CCDC172: variants seen among roughly 807,000 people sequenced by gnomAD.
CCDC172 encodes the protein coiled-coil domain containing 172.
Under a neutral mutation model 38.0 loss-of-function variants are expected in CCDC172, and 30 were observed. The observed-to-expected ratio is 0.79, with a 90% confidence interval of 0.59 to 1.07. CCDC172 has a LOEUF of 1.07. CCDC172 is among the 50% of genes least tolerant of loss of function. The probability of loss-of-function intolerance (pLI) is 0.00; values close to 1 mark genes in which losing one functional copy is unlikely to be tolerated. For synonymous variants in CCDC172, 78 were observed against 88.3 expected (o/e 0.88, Z 0.66); for missense variants, 297 against 290.1 (o/e 1.02, Z -0.17).
At chr10:116,377,234 AT>A (rs1845257340) in intron 7 of CCDC172, among the ~76,000 whole-genome samples, 1 of 152,188 alleles carries the variant, frequency 6.6e-6, no homozygotes, top group Non-Finnish European at 1.5e-5. Context: ...TCATTTCAAA[AT>A]TAATTTCTTA....
intron 3 of CCDC172, among the ~76,000 whole-genome samples, chr10:116,332,691 C>A (rs1344666554): frequency 5.3e-5 from 8 of 151,530 alleles, no homozygotes; most frequent in African/African-American, 1.9e-4. Context: ...TCCCTGATTG[C>A]TTTTATGATT....
chr10:116,375,717 A>AC (rs1845236603), intron 7 of CCDC172, among the ~76,000 whole-genome samples: 1 of 152,208 alleles, frequency 6.6e-6, no homozygotes, highest in East Asian at 1.9e-4. Flanking sequence ...AAGTGGGCCA[A>AC]GGATATGAAC....
intron 7 of CCDC172, among the ~76,000 whole-genome samples, chr10:116,360,379 T>C (rs17094605): frequency 0.1 from 15,168 of 152,158 alleles, 1,347 homozygotes; most frequent in East Asian, 0.33. Flanking sequence ...GGGCACATAG[T>C]GTTCAATAAA....
intron 3 of CCDC172, among the ~76,000 whole-genome samples, chr10:116,327,789 G>A (rs879778495): frequency 2.0e-5 from 3 of 152,038 alleles, no homozygotes; most frequent in Non-Finnish European, 4.4e-5. Context: ...ATGTATATGT[G>A]CATAAAGATT....
chr10:116,332,763 G>A (rs892321341), intron 3 of CCDC172, among the ~76,000 whole-genome samples: 2 of 151,668 alleles, frequency 1.3e-5, no homozygotes, highest in Admixed American at 6.6e-5. Flanking sequence ...GAACAAGGGT[G>A]AGCCTTCCAT....
chr10:116,375,028 T>G (rs572843997), intron 7 of CCDC172, among the ~76,000 whole-genome samples: 1 of 152,302 alleles, frequency 6.6e-6, no homozygotes, highest in African/African-American at 2.4e-5. Context: ...TGGTATTTCC[T>G]TATGCTTTTC....
chr10:116,376,567 T>C (rs995656069), intron 7 of CCDC172, among the ~76,000 whole-genome samples: 2 of 152,214 alleles, frequency 1.3e-5, no homozygotes, highest in Non-Finnish European at 2.9e-5. Flanking sequence ...TTTTAAAAAA[T>C]TCCTCAAAGT....
intron 3 of CCDC172, among the ~76,000 whole-genome samples, chr10:116,335,978 C>G (rs960464118): frequency 3.9e-5 from 6 of 152,038 alleles, no homozygotes; most frequent in African/African-American, 1.2e-4. Context: ...ACCAGCCTGG[C>G]CAACATGGCG....
chr10:116,339,771 A>T (rs1474435717), intron 3 of CCDC172, among the ~76,000 whole-genome samples: 1 of 151,904 alleles, frequency 6.6e-6, no homozygotes, highest in African/African-American at 2.4e-5. Flanking sequence ...ACTGTCTCTT[A>T]AGCCAACCCT....
intron 5 of CCDC172, among the ~76,000 whole-genome samples, chr10:116,356,501 A>C (rs1272753876): frequency 6.6e-6 from 1 of 152,148 alleles, no homozygotes; most frequent in Non-Finnish European, 1.5e-5. Flanking sequence ...ATAACTTAAA[A>C]AATGGAAACA....
At chr10:116,337,433 AGCCACTGT>A (rs1844745184) in intron 3 of CCDC172, among the ~76,000 whole-genome samples, 2 of 152,100 alleles carry the variant, frequency 1.3e-5, no homozygotes, top group African/African-American at 4.8e-5. Flanking sequence ...TACAGGTGTG[AGCCACTGT>A]GCCTGGCCTA....
chr10:116,332,849 CTT>C (rs1844681806), intron 3 of CCDC172, among the ~76,000 whole-genome samples: 1 of 151,814 alleles, frequency 6.6e-6, no homozygotes, highest in Admixed American at 6.6e-5. Context: ...GCTTTATTCT[CTT>C]TTCTCTGAAT....
rs368898745 is a variant in CCDC172 at position 116,354,448 on chromosome 10, G to T, written c.449-2932G>T. On this transcript the variant is annotated intron_variant, in intron 5 of 8. Coordinates refer to ENST00000333254, the MANE Select transcript of CCDC172 (RefSeq NM_198515.3). ...ATAGAAGATGACAGCTCCAGGCCAGGCATGGTGGCTCACGACTGTAATCCC... is the reference window on the plus strand; with the variant it reads ...ATAGAAGATGACAGCTCCAGGCCAGTCATGGTGGCTCACGACTGTAATCCC... Among the ~76,000 whole-genome samples the T allele has an allele frequency of 1.3e-4, 20 of 152,106 alleles. 1 individual carries two copies. In the East Asian group the frequency reaches 3.1e-3, roughly 24 times the overall value.
chr10:116,329,996 G>A (rs1844639998), intron 3 of CCDC172, among the ~76,000 whole-genome samples: 1 of 152,164 alleles, frequency 6.6e-6, no homozygotes, highest in Admixed American at 6.5e-5. Context: ...TCAAGAGAGA[G>A]CATGTGTGCA....
chr10:116,355,179 A>C (rs542396429), intron 5 of CCDC172, among the ~76,000 whole-genome samples: 2 of 152,212 alleles, frequency 1.3e-5, no homozygotes, highest in African/African-American at 4.8e-5. Flanking sequence ...CACTCAAAGC[A>C]ACTTCCAGTA....
chr10:116,354,298 T>C (rs988234886), intron 5 of CCDC172, among the ~76,000 whole-genome samples: 1 of 152,238 alleles, frequency 6.6e-6, no homozygotes, highest in African/African-American at 2.4e-5. Context: ...ATTATTATAC[T>C]TTTTATAATT....
rs924445025 is a variant in CCDC172 at position 116,324,582 on chromosome 10, T to C, written c.-97T>C. ...GGGATTGAAAGGCTGACTACAGAAA[T>C]GGCTGCTGCCCAGACGCCCTCAAAA... On this transcript the variant is annotated 5_prime_UTR_variant, in exon 1 of 9. The change abolishes an upstream ATG in the 5' untranslated region. Transcript: ENST00000333254. 8 of 160,536 alleles carry C rather than the reference T, an allele frequency of 5.0e-5. No homozygotes were observed. The highest frequency in any genetic ancestry group is 1.1e-4 in the Non-Finnish European group (8 of 73,480). 9.9% of individuals were successfully genotyped at this position (160,536 alleles called of 1,614,324 possible).
intron 5 of CCDC172, among the ~76,000 whole-genome samples, chr10:116,344,083 CAAT>C (rs1285877661): frequency 1.3e-5 from 2 of 151,718 alleles, no homozygotes; most frequent in African/African-American, 4.8e-5. Context: ...GCTAAAAGGA[CAAT>C]ATAGAAATTA....
At chr10:116,352,602 G>A (rs978412881) in intron 5 of CCDC172, among the ~76,000 whole-genome samples, 3 of 152,048 alleles carry the variant, frequency 2.0e-5, no homozygotes, top group African/African-American at 7.2e-5. Flanking sequence ...ACTAGGGATA[G>A]AAGGGACTTT....
Sources: allele counts gnomAD v4.1 joint callset (sites outside exome capture counted in the v4.1 genomes callset), GRCh38; gene constraint gnomAD v4.1.1; transcripts MANE v1.5; gene names NCBI Gene and HGNC (gene_info 2026-07-23, HGNC 2026-07-21).